Variants in BLMH observed in about 807,000 individuals in gnomAD.
The protein encoded by BLMH is BLM hydrolase.
BLMH carries 32 observed loss-of-function variants against 61.6 expected under a neutral mutation model. The ratio of observed to expected loss-of-function variants is 0.52; its 90% CI spans 0.39 to 0.70. The LOEUF is 0.70. Among genes scored for constraint, BLMH ranks in the 30% least tolerant of loss-of-function variants. BLMH has a pLI of 0.00. For synonymous variants in BLMH, 183 were observed against 193.8 expected (o/e 0.94, Z 0.46); for missense variants, 460 against 555.5 (o/e 0.83, Z 1.73).
chr17:30,273,119 G>A lies in BLMH; in HGVS notation c.802-220C>T, dbSNP rs117247295. The stretch of plus-strand genomic sequence containing the variant: ...TTCGCGTAAGAGACACAATTAGGAG[G>A]TGCATCTACCTGTTTTTCCTACTAG... On this transcript the variant is annotated intron_variant, in intron 7 of 11. Transcript: ENST00000261714. 5.1e-3 allele frequency: 2,593 copies of A among 505,170 alleles called. 11 individuals carry two copies. Among genetic ancestry groups the A allele is most frequent in the Non-Finnish European group, 6.8e-3 (1,974 of 291,064 alleles). The allele number at this position is 505,170 out of a possible 1,614,324, so 31.3% of individuals were successfully genotyped here.
chr17:30,283,369 T>G (rs374312561), intron 6 of BLMH, among the ~76,000 whole-genome samples: 7 of 152,138 alleles, frequency 4.6e-5, no homozygotes, highest in African/African-American at 1.7e-4. Flanking sequence ...CTACCAATGA[T>G]GAGGACATCA....
chr17:30,289,548 T>G, intron 2 of BLMH, 66 bp from the exon 3 acceptor site: 1 of 1,055,856 alleles, frequency 9.5e-7, no homozygotes, highest in Non-Finnish European at 1.4e-6. Context: ...CCAACTGTAT[T>G]TCCCACCAAT....
chr17:30,272,568 T>C lies in BLMH; in HGVS notation c.1021A>G (p.Met341Val), dbSNP rs763325386. The stretch of plus-strand genomic sequence containing the variant: ...TAAATTTCCTGCACTCACAGATTCA[T>C]GTCACTGAGGCCCAGCTTGCTATTG... The part of the protein sequence containing the change: ...HFNSKLGLSD[M>V]NLYDHELVFG... Residue 341 changes from methionine (M) to valine (V), a missense_variant, in exon 9 of 12, where the codon ATG (methionine) becomes GTG (valine). By Grantham distance (21) the Met-to-Val change is conservative (BLOSUM62 1). Coordinates refer to ENST00000261714, the MANE Select transcript of BLMH (RefSeq NM_000386.4). 5.0e-6 allele frequency: 8 copies of C among 1,614,090 alleles called. No individual in the cohort carries two copies. Among genetic ancestry groups the C allele is most frequent in the African/African-American group, 4.0e-5 (3 of 74,932 alleles).
At chr17:30,283,233 C>G (rs1399522538) in intron 6 of BLMH, among the ~76,000 whole-genome samples, 1 of 152,094 alleles carries the variant, frequency 6.6e-6, no homozygotes. Context: ...AGTAAATAAT[C>G]CTATAAAACA....
intron 11 of BLMH, 33 bp downstream of exon 11, chr17:30,266,852 C>A: frequency 6.3e-7 from 1 of 1,598,636 alleles, no homozygotes; most frequent in South Asian, 1.1e-5. Context: ...CAGGCCCAGT[C>A]ACCTGGAGTT....
In BLMH at chr17:30,286,897, AT is replaced by A. The variant is rs1312116284; in HGVS notation, c.468del (p.Lys156AsnfsTer22). ...QWDMLVNIVE[K>X]YGVIPKKCFP... ...AAGCATTTCTTAGGGATAACACCAT[AT>A]TTTTCTAAAAGAAAACAAATTCTAG... On this transcript the variant is annotated frameshift_variant, in exon 5 of 12. Coordinates refer to ENST00000261714, the MANE Select transcript of BLMH (RefSeq NM_000386.4). LOFTEE classifies it high-confidence loss of function. 6.3e-7 allele frequency: 1 copy of A among 1,575,594 alleles called. No individual in the cohort carries two copies. Among genetic ancestry groups the A allele is most frequent in the African/African-American group, 1.4e-5 (1 of 73,824 alleles).
chr17:30,263,808 T>C (rs1332196809), intron 11 of BLMH, among the ~76,000 whole-genome samples: 4 of 152,212 alleles, frequency 2.6e-5, no homozygotes, highest in Middle Eastern at 3.2e-3. Context: ...ATCTCCAGCA[T>C]GTATTATCAA....
In BLMH at chr17:30,291,088, A is replaced by G. The variant is rs930400553; in HGVS notation, c.211+223T>C. On this transcript the variant is annotated intron_variant, in intron 2 of 11. Transcript: ENST00000261714. ...ATTACACTCAAACGTATACTCATGG[A>G]CATGTCACTTTTGTACTCTAACCGC... is the stretch of plus-strand genomic sequence containing the variant. The G allele has an allele frequency of 5.1e-6, 3 of 583,410 alleles. No homozygotes were observed. The African/African-American group carries it at 5.6e-5, about 11-fold the overall frequency. The allele number at this position is 583,410 out of a possible 1,614,324, so 36.1% of individuals were successfully genotyped here. A position where few individuals can be genotyped will look rare whatever the true frequency, so the allele number is the denominator to read the frequency against.
intron 4 of BLMH, among the ~76,000 whole-genome samples, chr17:30,287,426 T>C (rs1217806186): frequency 6.6e-6 from 1 of 152,242 alleles, no homozygotes. Flanking sequence ...CAAGTGTATC[T>C]ATCATACTTT....
chr17:30,260,496 A>G (rs1907927990), intron 11 of BLMH, among the ~76,000 whole-genome samples: 1 of 152,162 alleles, frequency 6.6e-6, no homozygotes, highest in African/African-American at 2.4e-5. Flanking sequence ...TGAACTGGAG[A>G]GTATGTGCTT....
intron 6 of BLMH, 84 bp downstream of exon 6, chr17:30,285,304 G>C: frequency 2.1e-6 from 2 of 954,514 alleles, no homozygotes; most frequent in Non-Finnish European, 3.2e-6. Flanking sequence ...CATGACTAAA[G>C]CTTCCTAATC....
rs530564843 is a variant in BLMH, at chr17:30,254,086, A to T, written c.1217-4918T>A. On this transcript the variant is annotated intron_variant, in intron 11 of 11. Transcript: ENST00000261714. ...TTTTCTGAAATCCCACCAGAAATGT[A>T]AGATTTAAGCCTTTCAGACTAAAGA... Among the ~76,000 whole-genome samples the T allele has an allele frequency of 2.0e-5, 3 of 152,362 alleles. No individual in the cohort carries two copies. In the South Asian group the frequency reaches 6.2e-4, roughly 32 times the overall value.
chr17:30,277,512 A>C (rs1908454911), intron 6 of BLMH, among the ~76,000 whole-genome samples: 1 of 152,254 alleles, frequency 6.6e-6, no homozygotes, highest in Non-Finnish European at 1.5e-5. Context: ...AACTACTGTT[A>C]CATGTGTATC....
chr17:30,261,662 C>T (rs1907964102), intron 11 of BLMH, among the ~76,000 whole-genome samples: 2 of 152,200 alleles, frequency 1.3e-5, no homozygotes, highest in Non-Finnish European at 2.9e-5. Context: ...ACTGTCTCTC[C>T]ACAACTCACC....
rs1597670449 is a variant in BLMH, at chr17:30,291,824, C to T, written c.-5G>A. 7.4e-7 allele frequency: 1 copy of T among 1,350,734 alleles called. No individual in the cohort carries two copies. Among genetic ancestry groups the T allele is most frequent in the East Asian group, 2.8e-5 (1 of 35,640 alleles). The allele number at this position is 1,350,734 out of a possible 1,614,324, so 83.7% of individuals were successfully genotyped here. A position where few individuals can be genotyped will look rare whatever the true frequency, so the allele number is the denominator to read the frequency against. ...CACCTCACCCGAGCTGCTCATGGCG[C>T]CCACGCTGCCCGGCGGGGTAACGGT... On this transcript the variant is annotated 5_prime_UTR_variant, in exon 1 of 12. Transcript: ENST00000261714.
At chr17:30,277,568 C>T (rs116691607) in intron 6 of BLMH, among the ~76,000 whole-genome samples, 4,028 of 152,274 alleles carry the variant, frequency 0.026, 78 homozygotes, top group African/African-American at 0.04. Context: ...AGTTATCCAA[C>T]GGTGGTAAAT....
At chr17:30,287,431 T>C (rs1908763778) in intron 4 of BLMH, among the ~76,000 whole-genome samples, 1 of 152,248 alleles carries the variant, frequency 6.6e-6, no homozygotes, top group African/African-American at 2.4e-5. Flanking sequence ...GTATCTATCA[T>C]ACTTTTGTAA....
intron 11 of BLMH, among the ~76,000 whole-genome samples, chr17:30,257,400 C>T (rs2143020020): frequency 6.6e-6 from 1 of 151,872 alleles, no homozygotes; most frequent in South Asian, 2.1e-4. Flanking sequence ...TAGTGTGCTA[C>T]CACTAGTATA....
chr17:30,266,606 C>G (rs1908117431), intron 11 of BLMH, among the ~76,000 whole-genome samples: 1 of 152,028 alleles, frequency 6.6e-6, no homozygotes, highest in Non-Finnish European at 1.5e-5. Flanking sequence ...GGCACTCAAC[C>G]TCCTCACTAG....
Sources: gnomAD v4.1 joint callset for allele counts (sites outside exome capture counted in the v4.1 genomes callset) on GRCh38, gnomAD v4.1.1 for gene constraint, MANE v1.5 for transcripts, NCBI Gene and HGNC (gene_info 2026-07-23, HGNC 2026-07-21) for gene names.